The following BTD variants were observed in gnomAD, a reference collection of about 807,000 sequenced individuals.
BTD encodes the protein biotinidase, also known as biocytinase.
In BTD, 13 loss-of-function variants were observed where a neutral mutation model predicts 17.7. That is an observed-to-expected ratio of 0.74 (90% CI 0.48 to 1.17). BTD has a LOEUF of 1.17. Ranked by LOEUF, BTD falls within the 50% of genes most tolerant of loss-of-function variation. BTD has a pLI of 0.00. For missense variants in BTD, 674 were observed against 650.4 expected (o/e 1.04, Z -0.39); for synonymous variants, 240 against 245.2 (o/e 0.98, Z 0.20).
rs9755 is a variant in BTD, at chr3:15,642,207, T to C, written c.399+150T>C. The C allele has an allele frequency of 0.017, 25,162 of 1,499,992 alleles. 1,933 individuals carry two copies. The African/African-American group carries it at 0.22, about 13-fold the overall frequency. 92.9% of individuals were successfully genotyped at this position (1,499,992 alleles called of 1,614,324 possible). A position where few individuals can be genotyped will look rare whatever the true frequency, so the allele number is the denominator to read the frequency against. On this transcript the variant is annotated intron_variant, in intron 3 of 3. Transcript: ENST00000643237. Reference sequence around the variant, plus strand: ...AACTCCCAAAGATCCATGTGCCACATGTTCATTCCATTAAAGAATGTCTGA... The same window carrying C: ...AACTCCCAAAGATCCATGTGCCACACGTTCATTCCATTAAAGAATGTCTGA...
exon 4 of BTD, among the ~76,000 whole-genome samples, chr3:15,711,569 C>T (rs748974008): frequency 5.3e-5 from 8 of 152,122 alleles, no homozygotes; most frequent in Admixed American, 6.5e-5. Context: ...AGGAACTGTT[C>T]AGAACAGGCA....
intron 1 of BTD, among the ~76,000 whole-genome samples, chr3:15,606,030 G>A (rs547507925): frequency 1.4e-3 from 93 of 66,012 alleles, no homozygotes; most frequent in African/African-American, 5.5e-3. Flanking sequence ...GTGACAGAGC[G>A]AGACCCTGTC....
intron 3 of BTD, among the ~76,000 whole-genome samples, 159 bp from the exon 4 acceptor site, chr3:15,644,157 C>G (rs1229176323): frequency 6.6e-6 from 1 of 152,022 alleles, no homozygotes; most frequent in Non-Finnish European, 1.5e-5. Flanking sequence ...TCCACCACCA[C>G]GCCCGGCTAA....
rs2065788517 is a variant in BTD, at chr3:15,650,769, G to T, written c.*5281G>T. Among the ~76,000 whole-genome samples the T allele has an allele frequency of 6.6e-6, 1 of 152,138 alleles. No individual in the cohort carries two copies. The highest frequency in any genetic ancestry group is 2.1e-4 in the South Asian group (1 of 4,830). On this transcript the variant is annotated 3_prime_UTR_variant, in exon 4 of 4. Coordinates refer to ENST00000643237, the MANE Select transcript of BTD (RefSeq NM_001370658.1). ...AATCAATGATCGGCCAGAGAGCTGT[G>T]ATATTCTTTTGTTTTTTTGAGATGG...
At chr3:15,605,168 T>C (rs1038032784) in intron 1 of BTD, among the ~76,000 whole-genome samples, 1 of 152,208 alleles carries the variant, frequency 6.6e-6, no homozygotes, top group Non-Finnish European at 1.5e-5. Flanking sequence ...CAAAACTGGG[T>C]AATTTATAAA....
chr3:15,658,179 AAAAG>A (rs568022373), downstream of BTD, among the ~76,000 whole-genome samples: 74 of 151,976 alleles, frequency 4.9e-4, no homozygotes, highest in Admixed American at 8.5e-4. Flanking sequence ...AAAAAAAAAA[AAAAG>A]AAAGAAAGAA....
intron 1 of BTD, among the ~76,000 whole-genome samples, chr3:15,614,493 T>C (rs1207876476): frequency 2.0e-5 from 3 of 152,176 alleles, no homozygotes; most frequent in African/African-American, 7.2e-5. Flanking sequence ...TCTTCTTTTT[T>C]TCCCTTTTGT....
chr3:15,697,939 C>T (rs1013473494), intron 3 of BTD, among the ~76,000 whole-genome samples: 4 of 152,152 alleles, frequency 2.6e-5, no homozygotes, highest in African/African-American at 7.2e-5. Context: ...AGAGATTCAA[C>T]TTCTTCCTGG....
rs1257965125 is a variant in BTD, at chr3:15,648,697, C to A, written c.*3209C>A. ...CAAAAAAGATACGTTGTAGTCCTAA[C>A]CCCCAATAGCTCAGAATGTGGCCTT... On this transcript the variant is annotated 3_prime_UTR_variant, in exon 4 of 4. Coordinates refer to ENST00000643237, the MANE Select transcript of BTD (RefSeq NM_001370658.1). Among the ~76,000 whole-genome samples the A allele has an allele frequency of 6.6e-6, 1 of 152,196 alleles. No individual in the cohort carries two copies. The highest frequency in any genetic ancestry group is 1.5e-5 in the Non-Finnish European group (1 of 68,032).
rs777470168 is a variant in BTD at position 15,644,645 on chromosome 3, G to A, written c.729G>A (p.Val243=). The A allele has an allele frequency of 3.1e-6, 5 of 1,614,036 alleles. No homozygotes were observed. In the Admixed American group the frequency reaches 6.7e-5, roughly 22 times the overall value. ...PAIRVLRDYK[V]KHVVYPTAWM... is the part of the protein sequence containing the mutation. ...TCAGAGTCCTCAGAGACTACAAGGT[G>A]AAGCATGTTGTGTACCCAACTGCCT... The change falls in exon 4 of 4, where the codon GTG becomes GTA. Residue 243 remains valine (V), a synonymous_variant. Transcript: ENST00000643237.
At chr3:15,710,471 C>A (rs964586072) in exon 4 of BTD, among the ~76,000 whole-genome samples, 1 of 152,182 alleles carries the variant, frequency 6.6e-6, no homozygotes, top group Non-Finnish European at 1.5e-5. Flanking sequence ...AAACCAGTCA[C>A]ATGCTCACAA....
chr3:15,668,535 T>C (rs1441325504), intron 3 of BTD: 1 of 152,562 alleles, frequency 6.6e-6, no homozygotes, highest in Non-Finnish European at 1.5e-5. Context: ...GCTTAAAATC[T>C]AGTAGTCAAT....
intron 1 of BTD, among the ~76,000 whole-genome samples, chr3:15,625,815 A>C (rs1487961703): frequency 1.3e-5 from 2 of 152,172 alleles, no homozygotes; most frequent in Non-Finnish European, 2.9e-5. Flanking sequence ...TCGGCCTCCC[A>C]AAGTGCTGGG....
chr3:15,626,546 G>C (rs1193097525), intron 1 of BTD, among the ~76,000 whole-genome samples: 1 of 152,122 alleles, frequency 6.6e-6, no homozygotes, highest in Admixed American at 6.6e-5. Flanking sequence ...CAGCACTTTA[G>C]GTGAGAGGAT....
intron 3 of BTD, chr3:15,667,466 TA>T (rs1370943103): frequency 6.6e-6 from 1 of 152,236 alleles, no homozygotes; most frequent in Non-Finnish European, 1.5e-5. Flanking sequence ...CTTTTATGTA[TA>T]AGTTAAATAA....
chr3:15,675,167 A>C (rs574524011), intron 3 of BTD, among the ~76,000 whole-genome samples: 1 of 152,250 alleles, frequency 6.6e-6, no homozygotes, highest in South Asian at 2.1e-4. Flanking sequence ...CTACCTGGGC[A>C]GGCTGAGGCA....
chr3:15,630,173 C>T (rs936571451), intron 1 of BTD: 10 of 733,930 alleles, frequency 1.4e-5, no homozygotes, highest in Non-Finnish European at 1.5e-5. Context: ...CAGATGCTTT[C>T]TGGGTCTTGT....
chr3:15,708,120 C>T, intron 3 of BTD: 1 of 1,538,780 alleles, frequency 6.5e-7, no homozygotes, highest in Middle Eastern at 1.7e-4. Flanking sequence ...AACTAGTAAA[C>T]AAAAGCATAG....
downstream of BTD, among the ~76,000 whole-genome samples, chr3:15,717,445 T>C (rs1461531026): frequency 1.3e-5 from 2 of 152,156 alleles, no homozygotes; most frequent in Non-Finnish European, 2.9e-5. Context: ...AGTTATTTCT[T>C]TCTGAACTGG....
Sources: gnomAD v4.1 joint callset for allele counts (sites outside exome capture counted in the v4.1 genomes callset) on GRCh38, gnomAD v4.1.1 for gene constraint, MANE v1.5 for transcripts, NCBI Gene and HGNC (gene_info 2026-07-23, HGNC 2026-07-21) for gene names.